The following LRP1B variants were observed in gnomAD, a reference collection of about 807,000 sequenced individuals.
LRP1B encodes the protein LDL receptor related protein 1B, also known as low-density lipoprotein receptor-related protein 1B.
LRP1B carries 217 observed loss-of-function variants against 556.6 expected under a neutral mutation model. The ratio of observed to expected loss-of-function variants is 0.39; its 90% confidence interval spans 0.35 to 0.44. The LOEUF (loss-of-function observed/expected upper bound fraction) is 0.44. LRP1B is among the 20% of genes least tolerant of loss of function. LRP1B has a pLI of 1.00. For synonymous variants in LRP1B, 2,047 were observed against 1,865.8 expected (o/e 1.10, Z -2.50); for missense variants, 5,053 against 5,620.8 (o/e 0.90, Z 3.23).
At chr2:141,211,779 A>G (rs546663022) in intron 6 of LRP1B, among the ~76,000 whole-genome samples, 3 of 152,332 alleles carry the variant, frequency 2.0e-5, no homozygotes, top group African/African-American at 7.2e-5. Context: ...AGCATATGGT[A>G]TCAGGAAGGG....
chr2:141,285,508 T>G (rs1685679904), intron 3 of LRP1B, among the ~76,000 whole-genome samples: 1 of 135,310 alleles, frequency 7.4e-6, no homozygotes, highest in Non-Finnish European at 1.6e-5. Context: ...CAGGGTGGAG[T>G]GCAATGGCTT....
At chr2:140,842,851 T>G (rs574639561) in intron 29 of LRP1B, among the ~76,000 whole-genome samples, 24 of 152,202 alleles carry the variant, frequency 1.6e-4, no homozygotes, top group African/African-American at 5.8e-4. Context: ...TTTTCTTACC[T>G]GTGAAATGGG....
chr2:141,037,492 T>C (rs1036351827), intron 11 of LRP1B, among the ~76,000 whole-genome samples: 1 of 151,944 alleles, frequency 6.6e-6, no homozygotes, highest in Non-Finnish European at 1.5e-5. Context: ...TGCATGAAAC[T>C]CACGTCTCAG....
At chr2:141,994,342 G>C (rs923919956) in intron 1 of LRP1B, among the ~76,000 whole-genome samples, 1 of 152,070 alleles carries the variant, frequency 6.6e-6, no homozygotes, top group Admixed American at 6.6e-5. Context: ...ATAATAGAGG[G>C]AAATAAATCC....
chr2:141,140,539 T>C (rs1311612523), intron 7 of LRP1B, among the ~76,000 whole-genome samples: 3 of 152,032 alleles, frequency 2.0e-5, no homozygotes, highest in Non-Finnish European at 4.4e-5. Flanking sequence ...AGGGCTCTAA[T>C]ACAATAGAGC....
At chr2:140,445,240 C>T (rs1686604890) in intron 63 of LRP1B, among the ~76,000 whole-genome samples, 1 of 152,014 alleles carries the variant, frequency 6.6e-6, no homozygotes, top group Non-Finnish European at 1.5e-5. Context: ...CTCAGCCACC[C>T]AAGTAGCTGG....
chr2:140,872,778 A>T (rs1368428963), intron 25 of LRP1B, among the ~76,000 whole-genome samples: 1 of 152,024 alleles, frequency 6.6e-6, no homozygotes, highest in Non-Finnish European at 1.5e-5. Flanking sequence ...TAATATGAAA[A>T]ATTAAGGCTA....
At chr2:141,052,598 GATC>G (rs1204661335) in intron 10 of LRP1B, among the ~76,000 whole-genome samples, 6 of 152,012 alleles carry the variant, frequency 3.9e-5, no homozygotes, top group Non-Finnish European at 7.4e-5. Context: ...TCAGTTTTAT[GATC>G]ATTATATTTA....
Position 140,548,362 on chromosome 2 carries a change from T to C in LRP1B, c.7195-6391A>G, listed in dbSNP as rs1286585923. 2.0e-5 allele frequency among the ~76,000 whole-genome samples: 3 copies of C among 152,292 alleles called. 1 individual carries two copies. In the South Asian group the frequency reaches 6.2e-4, roughly 32 times the overall value. On this transcript the variant is annotated intron_variant, in intron 43 of 90. Transcript: ENST00000389484. ...TGAGGAAGACATAATCTTCTTTACA[T>C]GTATGAGAAAGTTTAAACACAGAGA...
At chr2:141,133,290 CT>C (rs3063810) in intron 7 of LRP1B, among the ~76,000 whole-genome samples, 32,368 of 137,148 alleles carry the variant, frequency 0.24, 4,008 homozygotes, top group East Asian at 0.41. Context: ...TGTAACGTCT[CT>C]TTTTTTTTTT....
At chr2:140,329,050 T>C (rs1305057707) in intron 79 of LRP1B, among the ~76,000 whole-genome samples, 1 of 152,050 alleles carries the variant, frequency 6.6e-6, no homozygotes, top group Non-Finnish European at 1.5e-5. Flanking sequence ...AAATAAGCTT[T>C]TAAATATCAA....
chr2:141,530,117 A>G (rs965800797), intron 2 of LRP1B, among the ~76,000 whole-genome samples: 27 of 152,158 alleles, frequency 1.8e-4, no homozygotes, highest in Non-Finnish European at 2.8e-4. Flanking sequence ...AGAGGAAACC[A>G]AAGTCATTGT....
intron 3 of LRP1B, among the ~76,000 whole-genome samples, chr2:141,459,897 TCTTTA>T (rs1337850176): frequency 1.3e-5 from 2 of 152,162 alleles, no homozygotes; most frequent in Non-Finnish European, 2.9e-5. Context: ...TCACTTTTGT[TCTTTA>T]CTTGAGTGTC....
intron 20 of LRP1B, among the ~76,000 whole-genome samples, chr2:140,936,287 C>A: frequency 7.7e-6 from 1 of 129,822 alleles, no homozygotes; most frequent in Non-Finnish European, 1.5e-5. Flanking sequence ...TTGCAGTGAG[C>A]TGAGATTGTG....
chr2:141,847,958 A>G (rs1053261785), intron 1 of LRP1B, among the ~76,000 whole-genome samples: 2 of 151,570 alleles, frequency 1.3e-5, no homozygotes, highest in African/African-American at 4.8e-5. Context: ...GCTGATTTTT[A>G]TATATAATAT....
At chr2:141,825,371 C>G (rs1413591922) in intron 1 of LRP1B, among the ~76,000 whole-genome samples, 1 of 152,088 alleles carries the variant, frequency 6.6e-6, no homozygotes, top group Non-Finnish European at 1.5e-5. Flanking sequence ...TCAAGAATCT[C>G]CTTCCCTAGT....
intron 18 of LRP1B, among the ~76,000 whole-genome samples, chr2:140,978,775 A>G (rs1473203933): frequency 6.6e-6 from 1 of 152,194 alleles, no homozygotes; most frequent in Non-Finnish European, 1.5e-5. Flanking sequence ...GTGTTACTGA[A>G]GAGAGAAACA....
At chr2:141,498,731 G>A (rs1683608486) in intron 2 of LRP1B, among the ~76,000 whole-genome samples, 1 of 152,036 alleles carries the variant, frequency 6.6e-6, no homozygotes, top group Non-Finnish European at 1.5e-5. Flanking sequence ...TCATTCCAGG[G>A]AAACTATGAT....
At chr2:140,623,916 C>T (rs940884084) in intron 41 of LRP1B, among the ~76,000 whole-genome samples, 1 of 117,602 alleles carries the variant, frequency 8.5e-6, no homozygotes, top group Non-Finnish European at 1.8e-5. Flanking sequence ...GAGACTTCGT[C>T]TCAATATATT....
Sources: allele counts gnomAD v4.1 joint callset (sites outside exome capture counted in the v4.1 genomes callset), GRCh38; gene constraint gnomAD v4.1.1; transcripts MANE v1.5; gene names NCBI Gene and HGNC (gene_info 2026-07-23, HGNC 2026-07-21).